WDR41: variants seen among roughly 807,000 people sequenced by gnomAD.
WDR41 encodes WD repeat domain 41.
Under a neutral mutation model 69.3 loss-of-function variants are expected in WDR41, and 63 were observed. The observed-to-expected ratio is 0.91, with a 90% CI of 0.74 to 1.12. WDR41 has a LOEUF of 1.12. Among genes scored for constraint, WDR41 ranks in the 50% most tolerant of loss-of-function variants. The pLI is 0.00. For missense variants in WDR41, 543 were observed against 534.5 expected, an observed-to-expected ratio of 1.02 and a Z score of -0.16; for synonymous variants, 185 against 192.1, an observed-to-expected ratio of 0.96 and a Z score of 0.31.
chr5:77,434,460 G>A (rs996077810), intron 12 of WDR41, among the ~76,000 whole-genome samples: 3 of 152,040 alleles, frequency 2.0e-5, no homozygotes, highest in Admixed American at 2.0e-4. Context: ...CAGTACACAG[G>A]TAGAGGGGTT....
At chr5:77,537,437 T>G (rs368465334) in intron 1 of WDR41, among the ~76,000 whole-genome samples, 48 of 152,312 alleles carry the variant, frequency 3.2e-4, no homozygotes, top group African/African-American at 8.2e-4. Flanking sequence ...TATTGGGGTT[T>G]TCACAAGAAG....
chr5:77,574,613 A>AT (rs953372547), intron 1 of WDR41, among the ~76,000 whole-genome samples: 7 of 152,156 alleles, frequency 4.6e-5, no homozygotes, highest in Non-Finnish European at 1.0e-4. Context: ...TAAAGACTGA[A>AT]TTTTTTCTGC....
chr5:77,454,018 C>A, intron 5 of WDR41, 90 bp from the exon 6 acceptor site: 2 of 968,582 alleles, frequency 2.1e-6, no homozygotes, highest in Non-Finnish European at 3.2e-6. Context: ...GTTCTTTAAC[C>A]CCTTCCTTCA....
chr5:77,524,988 C>T (rs1375541842), intron 1 of WDR41, among the ~76,000 whole-genome samples: 1 of 152,240 alleles, frequency 6.6e-6, no homozygotes, highest in African/African-American at 2.4e-5. Context: ...AATCAGTCCT[C>T]TGGAGGATGC....
At chr5:77,494,064 T>C (rs1343631818), upstream of WDR41, among the ~76,000 whole-genome samples, 1 of 152,196 alleles carries the variant, frequency 6.6e-6, no homozygotes, top group Non-Finnish European at 1.5e-5. Flanking sequence ...GAGCAGAGTC[T>C]TTGTATGCTA....
chr5:77,523,046 G>T (rs894733771), intron 1 of WDR41, among the ~76,000 whole-genome samples: 1 of 152,176 alleles, frequency 6.6e-6, no homozygotes, highest in Non-Finnish European at 1.5e-5. Context: ...AGACGCTGTG[G>T]CTCACACCTG....
At chr5:77,471,683 T>C (rs1388387807) in intron 2 of WDR41, among the ~76,000 whole-genome samples, 1 of 151,988 alleles carries the variant, frequency 6.6e-6, no homozygotes, top group Non-Finnish European at 1.5e-5. Context: ...CTAGAAGAAA[T>C]GGATAAGTTC....
chr5:77,475,170 CCA>C (rs1253883511), intron 2 of WDR41, among the ~76,000 whole-genome samples: 1 of 152,204 alleles, frequency 6.6e-6, no homozygotes, highest in Non-Finnish European at 1.5e-5. Context: ...GGTCCTACGC[CCA>C]CAGAGTCTCG....
rs1175698772 is a variant in WDR41 at position 77,511,480 on chromosome 5, TTC to T, written c.43-21910_43-21909del. ...GATGACAGAAATCCACCATAACATA[TTC>T]CATTGTCTGAATTAGCTTCAGACCC... On this transcript the variant is annotated intron_variant, in intron 1 of 5. Coordinates refer to the WDR41 transcript ENST00000509971. Among the ~76,000 whole-genome samples, 2 of 152,206 alleles carry T rather than the reference TTC, an allele frequency of 1.3e-5. 1 individual carries two copies. The highest frequency in any genetic ancestry group is 1.3e-4 in the Admixed American group (2 of 15,276).
intron 1 of WDR41, among the ~76,000 whole-genome samples, chr5:77,563,198 A>T (rs1188999062): frequency 6.6e-6 from 1 of 152,146 alleles, no homozygotes; most frequent in Non-Finnish European, 1.5e-5. Flanking sequence ...ATTATCATTA[A>T]CATTAATATC....
At position 77,433,079 on chromosome 5, in the gene WDR41, T is replaced by C. The variant is rs1798788632; in HGVS notation, c.*56A>G. 1 of 1,519,116 alleles carries C rather than the reference T, an allele frequency of 6.6e-7. No homozygotes were observed. Among genetic ancestry groups the C allele is most frequent in the African/African-American group, 1.4e-5 (1 of 71,628 alleles). 94.1% of individuals were successfully genotyped at this position (1,519,116 alleles called of 1,614,324 possible). A position where few individuals can be genotyped will look rare whatever the true frequency, so the allele number is the denominator to read the frequency against. ...ATCAATATATTAATGGTTTTCAGAG[T>C]AGTACCCGATATTTGATGTTCAAGG... On this transcript the variant is annotated 3_prime_UTR_variant, in exon 13 of 13. Coordinates refer to ENST00000296679, the MANE Select transcript of WDR41 (RefSeq NM_018268.4).
At chr5:77,533,417 A>C (rs1308588779) in intron 1 of WDR41, among the ~76,000 whole-genome samples, 1 of 152,216 alleles carries the variant, frequency 6.6e-6, no homozygotes, top group Non-Finnish European at 1.5e-5. Flanking sequence ...AATAGTGTTG[A>C]GTGGGAAAAA....
chr5:77,590,820 A>G (rs549581386), intron 1 of WDR41, among the ~76,000 whole-genome samples: 2 of 152,072 alleles, frequency 1.3e-5, no homozygotes, highest in African/African-American at 4.8e-5. Context: ...ATTGGCTTGT[A>G]TTTTTCCTTT....
chr5:77,481,763 C>T (rs1330113951), intron 2 of WDR41, among the ~76,000 whole-genome samples: 3 of 120,708 alleles, frequency 2.5e-5, no homozygotes, highest in East Asian at 2.4e-4. Context: ...CCAGCCTGGG[C>T]GACAGAGCGA....
intron 2 of WDR41, among the ~76,000 whole-genome samples, chr5:77,488,959 T>C (rs1340184439): frequency 6.6e-6 from 1 of 152,180 alleles, no homozygotes; most frequent in Admixed American, 6.5e-5. Context: ...TTTGCAAATA[T>C]ATTAAACATA....
At chr5:77,496,593 C>T (rs979455853), upstream of WDR41, among the ~76,000 whole-genome samples, 1 of 151,988 alleles carries the variant, frequency 6.6e-6, no homozygotes, top group Non-Finnish European at 1.5e-5. Context: ...AACAACAAAA[C>T]ATTGCTGAAA....
chr5:77,480,375 G>C lies in WDR41; in HGVS notation c.167+9082C>G, dbSNP rs915549274. ...TGCTGCTATAAAGACACATGCATAC[G>C]TATGTTTATTGCGGCACTATTCACA... On this transcript the variant is annotated intron_variant, in intron 2 of 12. Transcript: ENST00000296679. Among the ~76,000 whole-genome samples, 18 of 152,094 alleles carry C rather than the reference G, an allele frequency of 1.2e-4. 1 individual carries two copies. The highest frequency in any genetic ancestry group is 1.2e-3 in the Admixed American group (18 of 15,260).
intron 1 of WDR41, among the ~76,000 whole-genome samples, chr5:77,510,528 A>G (rs1802181528): frequency 6.6e-6 from 1 of 152,112 alleles, no homozygotes; most frequent in African/African-American, 2.4e-5. Context: ...AGGATTGGCT[A>G]TTGGGTGGGT....
intron 1 of WDR41, among the ~76,000 whole-genome samples, chr5:77,522,172 C>T (rs889935625): frequency 1.4e-4 from 22 of 152,272 alleles, no homozygotes; most frequent in Admixed American, 2.0e-4. Context: ...CCTGTGAGGA[C>T]GCCGTCCAGG....
Sources: gnomAD v4.1 joint callset for allele counts (sites outside exome capture counted in the v4.1 genomes callset) on GRCh38, gnomAD v4.1.1 for gene constraint, MANE v1.5 for transcripts, NCBI Gene and HGNC (gene_info 2026-07-23, HGNC 2026-07-21) for gene names.